The following SMG7 variants were observed in gnomAD, a reference collection of about 807,000 sequenced individuals.
The protein encoded by SMG7 is nonsense-mediated mRNA decay factor SMG7.
Under a neutral mutation model 148.2 loss-of-function variants are expected in SMG7, and 34 were observed. That is an observed-to-expected ratio of 0.23 (90% CI 0.17 to 0.31). SMG7 has a LOEUF of 0.31. Among genes scored for constraint, SMG7 ranks in the 10% least tolerant of loss-of-function variants. The pLI is 1.00. For synonymous variants in SMG7, 492 were observed against 515.1 expected, an observed-to-expected ratio of 0.96 and a Z score of 0.61; for missense variants, 1,114 against 1,408.4, an observed-to-expected ratio of 0.79 and a Z score of 3.35.
intron 4 of SMG7, among the ~76,000 whole-genome samples, chr1:183,520,934 A>T (rs1387896973): frequency 6.6e-6 from 1 of 152,024 alleles, no homozygotes; most frequent in African/African-American, 2.4e-5. Context: ...AACTTTTTAT[A>T]ATAAGCATTG....
chr1:183,516,698 C>T (rs1663625971), intron 3 of SMG7, among the ~76,000 whole-genome samples: 1 of 152,182 alleles, frequency 6.6e-6, no homozygotes. Flanking sequence ...TTTTTTCTAT[C>T]ATTTACATCT....
At chr1:183,474,050 G>A (rs1294451211) in intron 1 of SMG7, among the ~76,000 whole-genome samples, 1 of 152,186 alleles carries the variant, frequency 6.6e-6, no homozygotes, top group East Asian at 1.9e-4. Flanking sequence ...AGTGACCACA[G>A]GACAGTTGGA....
At chr1:183,506,967 C>A (rs1420247287) in intron 1 of SMG7, among the ~76,000 whole-genome samples, 1 of 151,294 alleles carries the variant, frequency 6.6e-6, no homozygotes, top group Non-Finnish European at 1.5e-5. Flanking sequence ...CAACCTACGC[C>A]CCCCAGGTTC....
intron 1 of SMG7, among the ~76,000 whole-genome samples, chr1:183,490,469 G>GCT (rs1656669022): frequency 6.6e-6 from 1 of 152,020 alleles, no homozygotes; most frequent in Non-Finnish European, 1.5e-5. Flanking sequence ...TTTAAAATTG[G>GCT]CTTATAGGAG....
chr1:183,510,258 A>G (rs1282601294), intron 1 of SMG7, among the ~76,000 whole-genome samples: 12 of 152,178 alleles, frequency 7.9e-5, no homozygotes, highest in Admixed American at 5.2e-4. Flanking sequence ...CTTTCTCACT[A>G]TAAGGTTTAT....
In SMG7 at chr1:183,537,232, C is replaced by T; in HGVS notation, c.1234+17C>T. 3 of 1,576,780 alleles carry T rather than the reference C, an allele frequency of 1.9e-6. No homozygotes were observed. Among genetic ancestry groups the T allele is most frequent in the South Asian group, 1.1e-5 (1 of 90,150 alleles). On this transcript the variant is annotated intron_variant, in intron 11 of 22. Coordinates refer to ENST00000688051, the MANE Select transcript of SMG7 (RefSeq NM_001375584.1). ...GTATTAGTGGTAAGGGCTACCCTAA[C>T]CTTGTGTTGTTGATGTGGTTCTCCA...
intron 1 of SMG7, among the ~76,000 whole-genome samples, chr1:183,478,075 A>T (rs995453930): frequency 6.6e-6 from 1 of 152,182 alleles, no homozygotes; most frequent in Non-Finnish European, 1.5e-5. Context: ...GCTAAGCCTT[A>T]TCCTAGCCTG....
chr1:183,499,467 G>T (rs1202519921), intron 1 of SMG7, among the ~76,000 whole-genome samples: 3 of 152,106 alleles, frequency 2.0e-5, no homozygotes, highest in Non-Finnish European at 2.9e-5. Flanking sequence ...GATCATTATT[G>T]TTTTAACTTG....
chr1:183,492,335 C>T (rs562638145), intron 1 of SMG7, among the ~76,000 whole-genome samples: 26 of 152,284 alleles, frequency 1.7e-4, no homozygotes, highest in African/African-American at 5.8e-4. Context: ...ATTGGCTATA[C>T]ATGTAAAAAC....
At position 183,542,563 on chromosome 1, in the gene SMG7, T is replaced by C. The variant is rs2102739234; in HGVS notation, c.1842+61T>C. The C allele has an allele frequency of 2.1e-6, 3 of 1,417,778 alleles. No homozygotes were observed. The South Asian group carries it at 4.0e-5, about 19-fold the overall frequency. The allele number at this position is 1,417,778 out of a possible 1,614,324, so 87.8% of individuals were successfully genotyped here. ...AGGCTCACACAAAAGGCAAGATTTT[T>C]CATTTTGTTCTAAAGCCATGAGAAT... On this transcript the variant is annotated intron_variant, in intron 14 of 22. Coordinates refer to ENST00000688051, the MANE Select transcript of SMG7 (RefSeq NM_001375584.1).
chr1:183,541,539 C>T (rs1034326919), intron 13 of SMG7, among the ~76,000 whole-genome samples: 1 of 152,000 alleles, frequency 6.6e-6, no homozygotes, highest in African/African-American at 2.4e-5. Context: ...GAAAAGAACG[C>T]AGGTTTTGTA....
intron 12 of SMG7, among the ~76,000 whole-genome samples, chr1:183,540,702 A>T (rs1271598704): frequency 2.6e-5 from 4 of 152,236 alleles, no homozygotes; most frequent in African/African-American, 9.6e-5. Context: ...ATCTTTCCTA[A>T]TAAAAAGTTG....
chr1:183,534,852 A>G lies in SMG7; in HGVS notation c.1163+1020A>G, dbSNP rs1213384228. On this transcript the variant is annotated intron_variant, in intron 10 of 22. Transcript: ENST00000688051. ...ATTGTACTCCAGCCTGTCTCAAAAA[A>G]AAAAAAAGAAAGACCTTATGGTCTG... Among the ~76,000 whole-genome samples, 3 of 152,142 alleles carry G rather than the reference A, an allele frequency of 2.0e-5. No individual in the cohort carries two copies. In the East Asian group the frequency reaches 5.8e-4, roughly 29 times the overall value.
chr1:183,552,202 C>G lies in SMG7; in HGVS notation c.*271C>G. Reference sequence around the variant, plus strand: ...TTTATCTCACTCAGTTACTTGGTATCACCGCCTCTCACCTTCTCCATCGTG... The same window carrying G: ...TTTATCTCACTCAGTTACTTGGTATGACCGCCTCTCACCTTCTCCATCGTG... On this transcript the variant is annotated 3_prime_UTR_variant, in exon 23 of 23. Coordinates refer to ENST00000688051, the MANE Select transcript of SMG7 (RefSeq NM_001375584.1). The G allele has an allele frequency of 9.2e-7, 1 of 1,091,912 alleles. No homozygotes were observed. Among genetic ancestry groups the G allele is most frequent in the South Asian group, 4.0e-5 (1 of 25,030 alleles). 67.6% of individuals were successfully genotyped at this position (1,091,912 alleles called of 1,614,324 possible).
chr1:183,472,714 G>T, intron 1 of SMG7, 65 bp downstream of exon 1: 1 of 1,364,276 alleles, frequency 7.3e-7, no homozygotes, highest in African/African-American at 1.5e-5. Flanking sequence ...TGGAGCAACA[G>T]ACACCGAGGT....
intron 4 of SMG7, among the ~76,000 whole-genome samples, chr1:183,520,412 C>T (rs1190205432): frequency 1.3e-5 from 2 of 152,060 alleles, no homozygotes; most frequent in Non-Finnish European, 2.9e-5. Context: ...GTTGGATTCC[C>T]AGATTCCCAT....
intron 1 of SMG7, among the ~76,000 whole-genome samples, chr1:183,496,217 CCTT>C (rs1658452101): frequency 6.6e-6 from 1 of 152,062 alleles, no homozygotes; most frequent in Non-Finnish European, 1.5e-5. Context: ...AGTTATCTTT[CCTT>C]CTTTATATAT....
chr1:183,544,970 A>G lies in SMG7; in HGVS notation c.2028A>G (p.Ala676=), dbSNP rs780882382. Residue 676 remains alanine, a synonymous_variant, in exon 16 of 23, where the codon GCA becomes GCG. Transcript: ENST00000688051. The part of the protein sequence containing the change: ...PPTYVIPPPV[A]FSMGSGYTFP... Reference sequence around the variant, plus strand: ...CATATGTTATCCCCCCGCCTGTGGCATTTTCTATGGGCTCAGGTTACACCT... The same window carrying G: ...CATATGTTATCCCCCCGCCTGTGGCGTTTTCTATGGGCTCAGGTTACACCT... 39 of 1,613,290 alleles carry G rather than the reference A, an allele frequency of 2.4e-5. No homozygotes were observed. Among genetic ancestry groups the G allele is most frequent in the Non-Finnish European group, 3.1e-5 (37 of 1,179,782 alleles).
intron 1 of SMG7, among the ~76,000 whole-genome samples, chr1:183,490,114 TG>T (rs1184585264): frequency 6.6e-6 from 1 of 152,184 alleles, no homozygotes; most frequent in Non-Finnish European, 1.5e-5. Context: ...ATACAAGGAC[TG>T]AGAAAAAGCT....
Sources: allele counts gnomAD v4.1 joint callset (sites outside exome capture counted in the v4.1 genomes callset), GRCh38; gene constraint gnomAD v4.1.1; transcripts MANE v1.5; gene names NCBI Gene and HGNC (gene_info 2026-07-23, HGNC 2026-07-21).